The following TRPS1 variants were observed in gnomAD, a reference collection of about 807,000 sequenced individuals.
The protein encoded by TRPS1 is transcriptional repressor GATA binding 1.
A neutral mutation model predicts 101.2 loss-of-function variants in TRPS1; 6 were observed. That is an observed-to-expected ratio of 0.06 (90% CI 0.03 to 0.12). The LOEUF is 0.12. Among genes scored for constraint, TRPS1 ranks in the 10% least tolerant of loss-of-function variants. The pLI, the probability that TRPS1 is intolerant of heterozygous loss-of-function variation, is 1.00. For synonymous variants in TRPS1, 578 were observed against 589.8 expected (o/e 0.98, Z 0.29); for missense variants, 1,363 against 1,567.0 (o/e 0.87, Z 2.20).
At chr8:115,617,876 A>G (rs1818307094) in intron 3 of TRPS1, among the ~76,000 whole-genome samples, 1 of 152,182 alleles carries the variant, frequency 6.6e-6, no homozygotes, top group South Asian at 2.1e-4. Context: ...TGGAATTTTT[A>G]GAGAACTTTA....
intron 5 of TRPS1, among the ~76,000 whole-genome samples, chr8:115,581,105 G>A (rs1817438606): frequency 6.6e-6 from 1 of 151,852 alleles, no homozygotes; most frequent in South Asian, 2.1e-4. Context: ...GCAGCAACGT[G>A]AATAGAACAG....
At chr8:115,517,912 T>C (rs568984736) in intron 5 of TRPS1, among the ~76,000 whole-genome samples, 1 of 151,870 alleles carries the variant, frequency 6.6e-6, no homozygotes, top group East Asian at 1.9e-4. Flanking sequence ...TGTGTTAATT[T>C]TGACTATTAC....
In TRPS1 at chr8:115,413,458, G is replaced by C. The variant is rs1053202734; in HGVS notation, c.*565C>G. 2.0e-5 allele frequency: 3 copies of C among 153,084 alleles called. No individual in the cohort carries two copies. Among genetic ancestry groups the C allele is most frequent in the Non-Finnish European group, 4.4e-5 (3 of 68,520 alleles). 9.5% of individuals were successfully genotyped at this position (153,084 alleles called of 1,614,324 possible). On this transcript the variant is annotated 3_prime_UTR_variant, in exon 7 of 7. Coordinates refer to ENST00000395715, the MANE Select transcript of TRPS1 (RefSeq NM_014112.5). ...CTCTAACCAAGCCTAACCACAGCTC[G>C]CATTTCTAGGTCAAAATCTGAAACA...
At chr8:115,472,408 G>A (rs1336353110) in intron 5 of TRPS1, among the ~76,000 whole-genome samples, 1 of 152,158 alleles carries the variant, frequency 6.6e-6, no homozygotes, top group East Asian at 1.9e-4. Context: ...GCACAAAGCA[G>A]CAAGGCCCTG....
intron 5 of TRPS1, among the ~76,000 whole-genome samples, chr8:115,565,887 T>C (rs1333477280): frequency 6.6e-6 from 1 of 152,126 alleles, no homozygotes; most frequent in African/African-American, 2.4e-5. Context: ...AAAGGCAATA[T>C]TTCTTATCAC....
At chr8:115,603,150 A>G (rs866404519) in intron 4 of TRPS1, among the ~76,000 whole-genome samples, 12 of 152,214 alleles carry the variant, frequency 7.9e-5, no homozygotes, top group African/African-American at 2.9e-4. Flanking sequence ...AAAGATACAT[A>G]TCCTATGCTT....
At chr8:115,560,242 G>A (rs1178126865) in intron 5 of TRPS1, among the ~76,000 whole-genome samples, 2 of 152,060 alleles carry the variant, frequency 1.3e-5, no homozygotes, top group African/African-American at 4.8e-5. Context: ...AAACAGGTCA[G>A]GAAACTAGAA....
chr8:115,625,563 C>A (rs77404528), intron 1 of TRPS1, among the ~76,000 whole-genome samples: 1,537 of 151,912 alleles, frequency 0.01, 31 homozygotes, highest in African/African-American at 0.033. Flanking sequence ...GTAAATATAT[C>A]CAACCTCAGT....
intron 1 of TRPS1, among the ~76,000 whole-genome samples, chr8:115,646,839 T>C (rs533511083): frequency 6.6e-6 from 1 of 152,276 alleles, no homozygotes; most frequent in South Asian, 2.1e-4. Context: ...CTAAATCATA[T>C]ATTAAAGGGA....
intron 5 of TRPS1, among the ~76,000 whole-genome samples, chr8:115,526,820 C>T (rs1376842729): frequency 6.6e-6 from 1 of 152,126 alleles, no homozygotes; most frequent in East Asian, 1.9e-4. Context: ...ACAGAATTGA[C>T]CCTTGAAACA....
chr8:115,539,455 C>A (rs552634705), intron 5 of TRPS1, among the ~76,000 whole-genome samples: 1 of 151,960 alleles, frequency 6.6e-6, no homozygotes, highest in Non-Finnish European at 1.5e-5. Flanking sequence ...TCAAAAAGAA[C>A]GAAATGAAAA....
intron 5 of TRPS1, among the ~76,000 whole-genome samples, chr8:115,488,335 T>C (rs572430482): frequency 1.3e-5 from 2 of 152,328 alleles, no homozygotes; most frequent in South Asian, 2.1e-4. Flanking sequence ...TTGATACTCA[T>C]TTTATTGCAG....
chr8:115,478,852 T>C (rs1313313695), intron 5 of TRPS1, among the ~76,000 whole-genome samples: 1 of 123,232 alleles, frequency 8.1e-6, no homozygotes, highest in Non-Finnish European at 1.5e-5. Flanking sequence ...TGTATATATG[T>C]ATATATGTGT....
chr8:115,631,634 C>CATGG (rs57368306), intron 1 of TRPS1, among the ~76,000 whole-genome samples: 3,421 of 149,380 alleles, frequency 0.023, 56 homozygotes, highest in Non-Finnish European at 0.034. Flanking sequence ...TTATTAGATG[C>CATGG]ATGGATGGAT....
rs557171003 is a variant in TRPS1, at chr8:115,667,665, T to A, written c.-122+880A>T. On this transcript the variant is annotated intron_variant, in intron 1 of 6. Transcript: ENST00000395715. Reference sequence around the variant, plus strand: ...GGGCACAGACCGCTCGGCCAAGCTGTCCTGAGCCGCTCTGAGGCGGGTGCA... The same window carrying A: ...GGGCACAGACCGCTCGGCCAAGCTGACCTGAGCCGCTCTGAGGCGGGTGCA... Among the ~76,000 whole-genome samples, 90 of 152,278 alleles carry A rather than the reference T, an allele frequency of 5.9e-4. 1 individual carries two copies. In the South Asian group the frequency reaches 0.017, roughly 29 times the overall value.
At chr8:115,557,677 G>A (rs1308162013) in intron 5 of TRPS1, among the ~76,000 whole-genome samples, 1 of 152,140 alleles carries the variant, frequency 6.6e-6, no homozygotes, top group Admixed American at 6.6e-5. Context: ...ATAAAGAACT[G>A]TGAGTCAATG....
At chr8:115,447,655 G>C (rs1813770865) in intron 5 of TRPS1, among the ~76,000 whole-genome samples, 1 of 149,182 alleles carries the variant, frequency 6.7e-6, no homozygotes, top group Non-Finnish European at 1.5e-5. Flanking sequence ...AGAGTTTGAT[G>C]CTTTTAGAAT....
At chr8:115,643,876 A>C (rs1252171926) in intron 1 of TRPS1, among the ~76,000 whole-genome samples, 1 of 152,196 alleles carries the variant, frequency 6.6e-6, no homozygotes, top group East Asian at 1.9e-4. Context: ...TGATCCAAGG[A>C]CTGCTGAAAG....
chr8:115,451,810 A>G (rs1479158199), intron 5 of TRPS1, among the ~76,000 whole-genome samples: 1 of 152,132 alleles, frequency 6.6e-6, no homozygotes, highest in Non-Finnish European at 1.5e-5. Context: ...CTAATCTGAA[A>G]ATGAGCCAAG....
Sources: allele counts gnomAD v4.1 joint callset (sites outside exome capture counted in the v4.1 genomes callset), GRCh38; gene constraint gnomAD v4.1.1; transcripts MANE v1.5; gene names NCBI Gene and HGNC (gene_info 2026-07-23, HGNC 2026-07-21).